CPLX2: variants seen among roughly 807,000 people sequenced by gnomAD.
CPLX2 encodes the protein complexin-2.
Under a neutral mutation model 16.3 loss-of-function variants are expected in CPLX2, and 5 were observed. The ratio of observed to expected loss-of-function variants is 0.31; its 90% CI spans 0.16 to 0.64. CPLX2 has a LOEUF of 0.64. CPLX2 is among the 30% of genes least tolerant of loss of function. The probability of loss-of-function intolerance (pLI) is 0.79; values close to 1 mark genes in which losing one functional copy is unlikely to be tolerated. For synonymous variants in CPLX2, 89 were observed against 73.2 expected (o/e 1.22, Z -1.10); for missense variants, 144 against 181.4 (o/e 0.79, Z 1.18).
In CPLX2 at chr5:175,880,519, C is replaced by G. The variant is rs1469192164; in HGVS notation, c.*474C>G. 5.2e-6 allele frequency: 1 copy of G among 191,962 alleles called. No homozygotes were observed. The highest frequency in any genetic ancestry group is 5.5e-5 in the Admixed American group (1 of 18,138). The allele number at this position is 191,962 out of a possible 1,614,324, so 11.9% of individuals were successfully genotyped here. A position where few individuals can be genotyped will look rare whatever the true frequency, so the allele number is the denominator to read the frequency against. ...AGGAAGGGAGTCAGGGGAAGCCTGT[C>G]CCGGGAAGGCCCAGGCTGAGAGGCC... is the stretch of plus-strand genomic sequence containing the variant. On this transcript the variant is annotated 3_prime_UTR_variant, in exon 4 of 4. Coordinates refer to ENST00000393745, the MANE Select transcript of CPLX2 (RefSeq NM_001008220.2).
chr5:175,871,552 G>A (rs1023717897), upstream of CPLX2: 10 of 152,216 alleles, frequency 6.6e-5, no homozygotes, highest in Admixed American at 2.0e-4. Context: ...CGTGATTGGA[G>A]GGCGCCTTCG....
At chr5:175,828,802 T>C (rs1046897592) in intron 2 of CPLX2, among the ~76,000 whole-genome samples, 1 of 152,150 alleles carries the variant, frequency 6.6e-6, no homozygotes, top group East Asian at 1.9e-4. Flanking sequence ...GCCCCGTGCA[T>C]ATTTCGAGGC....
intron 2 of CPLX2, among the ~76,000 whole-genome samples, chr5:175,823,410 T>C (rs1248656168): frequency 6.6e-6 from 1 of 152,074 alleles, no homozygotes; most frequent in East Asian, 1.9e-4. Flanking sequence ...GTATGAACGA[T>C]GGACGATTGG....
chr5:175,855,595 T>C (rs929786771), intron 2 of CPLX2, among the ~76,000 whole-genome samples: 2 of 152,230 alleles, frequency 1.3e-5, no homozygotes, highest in Non-Finnish European at 2.9e-5. Context: ...TCAGCACCTC[T>C]TCTGGCGTGG....
In CPLX2 at chr5:175,829,132, A is replaced by G. The variant is rs1217889552; in HGVS notation, c.-89+20064A>G. Among the ~76,000 whole-genome samples the G allele has an allele frequency of 2.6e-5, 4 of 152,178 alleles. No homozygotes were observed. The South Asian group carries it at 6.2e-4, about 24-fold the overall frequency. On this transcript the variant is annotated intron_variant, in intron 2 of 4. Coordinates refer to the CPLX2 transcript ENST00000359546. ...GCCACTGAAGCGGATGCAGACCCCAACATCTTGGACCTGAGAAGTGCATTT... is the reference window on the plus strand; with the variant it reads ...GCCACTGAAGCGGATGCAGACCCCAGCATCTTGGACCTGAGAAGTGCATTT...
At chr5:175,799,048 C>T (rs1379595060) in intron 1 of CPLX2, among the ~76,000 whole-genome samples, 1 of 152,198 alleles carries the variant, frequency 6.6e-6, no homozygotes, top group Admixed American at 6.5e-5. Flanking sequence ...TAGTGATGAG[C>T]CACATGCATT....
In CPLX2 at chr5:175,879,094, CCCG is replaced by C; in HGVS notation, c.207+14_207+16del. Reference sequence around the variant, plus strand: ...CAGATCCGAGATAAGGTCAGCTCCGCCCGCCCGCCCGTCCTGGGGAGGGCCACA... The same window carrying C: ...CAGATCCGAGATAAGGTCAGCTCCGCCCCGCCCGTCCTGGGGAGGGCCACA... On this transcript the variant is annotated intron_variant, in intron 3 of 3. Coordinates refer to ENST00000393745, the MANE Select transcript of CPLX2 (RefSeq NM_001008220.2). 1 of 1,553,000 alleles carries C rather than the reference CCCG, an allele frequency of 6.4e-7. No individual in the cohort carries two copies. Among genetic ancestry groups the C allele is most frequent in the Non-Finnish European group, 8.7e-7 (1 of 1,148,184 alleles).
chr5:175,852,523 G>A (rs1759177881), intron 2 of CPLX2, among the ~76,000 whole-genome samples: 1 of 152,244 alleles, frequency 6.6e-6, no homozygotes, highest in African/African-American at 2.4e-5. Flanking sequence ...CAGGCACCAT[G>A]CAAAGGCACG....
chr5:175,804,430 G>A (rs1285680755), intron 1 of CPLX2, among the ~76,000 whole-genome samples: 2 of 152,192 alleles, frequency 1.3e-5, no homozygotes, highest in East Asian at 3.8e-4. Context: ...GTACCCTAAG[G>A]TGCTGTGTAG....
chr5:175,823,672 AG>A (rs1758553958), intron 2 of CPLX2, among the ~76,000 whole-genome samples: 1 of 152,208 alleles, frequency 6.6e-6, no homozygotes, highest in Non-Finnish European at 1.5e-5. Context: ...GAGGCAGCAA[AG>A]TGGGGGGAGC....
At chr5:175,859,533 T>C (rs761640899) in intron 2 of CPLX2, among the ~76,000 whole-genome samples, 3 of 152,198 alleles carry the variant, frequency 2.0e-5, no homozygotes, top group Non-Finnish European at 4.4e-5. Flanking sequence ...ATGTTCCAAC[T>C]CCAGTTGACA....
At chr5:175,824,392 C>T (rs1758569242) in intron 2 of CPLX2, among the ~76,000 whole-genome samples, 1 of 152,212 alleles carries the variant, frequency 6.6e-6, no homozygotes, top group South Asian at 2.1e-4. Context: ...AGAAAGTGCC[C>T]TCCCTTCTTC....
chr5:175,805,048 A>G (rs1476227795), intron 1 of CPLX2, among the ~76,000 whole-genome samples: 2 of 152,214 alleles, frequency 1.3e-5, no homozygotes, highest in Non-Finnish European at 2.9e-5. Flanking sequence ...GAAAACACTC[A>G]GCACAATGCT....
chr5:175,844,569 G>A (rs1759006628), intron 2 of CPLX2, among the ~76,000 whole-genome samples: 1 of 152,202 alleles, frequency 6.6e-6, no homozygotes, highest in South Asian at 2.1e-4. Flanking sequence ...GTCAGAGAGG[G>A]TCTCTCTTGG....
At chr5:175,807,045 T>C (rs1758219854) in intron 1 of CPLX2, among the ~76,000 whole-genome samples, 1 of 152,154 alleles carries the variant, frequency 6.6e-6, no homozygotes, top group Non-Finnish European at 1.5e-5. Flanking sequence ...TGCTGTTTTG[T>C]TTACACCAAC....
intron 1 of CPLX2, among the ~76,000 whole-genome samples, chr5:175,808,350 G>A (rs896878802): frequency 2.6e-5 from 4 of 151,984 alleles, no homozygotes; most frequent in Non-Finnish European, 5.9e-5. Flanking sequence ...AATCTGCCCG[G>A]CCCCGTGCAG....
intron 2 of CPLX2, among the ~76,000 whole-genome samples, chr5:175,825,216 A>G (rs1264565978): frequency 2.0e-5 from 3 of 151,920 alleles, no homozygotes; most frequent in Admixed American, 1.3e-4. Context: ...CCAACATGGT[A>G]AACCCTGTCT....
rs777361096 is a variant in CPLX2 at position 175,880,016 on chromosome 5, G to C, written c.376G>C (p.Gly126Arg). Residue 126 changes from glycine to arginine, a missense_variant, in exon 4 of 4, where the codon GGG (glycine) becomes CGG (arginine). Transcript: ENST00000393745. ...GGACACGGTGCTCAAATACCTGCCC[G>C]GGCCGCTGCAGGACATGTTCAAGAA... ...ILDTVLKYLP[G>R]PLQDMFKK is the part of the protein sequence containing the mutation. 1 of 1,613,604 alleles carries C rather than the reference G, an allele frequency of 6.2e-7. No individual in the cohort carries two copies. The highest frequency in any genetic ancestry group is 8.5e-7 in the Non-Finnish European group (1 of 1,179,820).
At chr5:175,828,843 C>T (rs1042532531) in intron 2 of CPLX2, among the ~76,000 whole-genome samples, 3 of 152,234 alleles carry the variant, frequency 2.0e-5, no homozygotes, top group Non-Finnish European at 4.4e-5. Context: ...GCCCACCAAA[C>T]CCACAGGTGT....
Sources: allele counts gnomAD v4.1 joint callset (sites outside exome capture counted in the v4.1 genomes callset), GRCh38; gene constraint gnomAD v4.1.1; transcripts MANE v1.5; gene names NCBI Gene and HGNC (gene_info 2026-07-23, HGNC 2026-07-21).